PNPT1: variants seen among roughly 807,000 people sequenced by gnomAD.
PNPT1 encodes the protein polyribonucleotide nucleotidyltransferase 1, mitochondrial.
PNPT1 carries 53 observed loss-of-function variants against 119.5 expected under a neutral mutation model. That is an observed-to-expected ratio of 0.44 (90% CI 0.36 to 0.56). PNPT1 has a LOEUF of 0.56. Ranked by LOEUF, PNPT1 falls within the 20% of genes least tolerant of loss-of-function variation. PNPT1 has a pLI of 0.00. For missense variants in PNPT1, 948 were observed against 938.5 expected (o/e 1.01, Z -0.13); for synonymous variants, 357 against 322.1 (o/e 1.11, Z -1.16).
At chr2:55,681,912 C>T (rs929694484) in intron 5 of PNPT1, among the ~76,000 whole-genome samples, 1 of 150,608 alleles carries the variant, frequency 6.6e-6, no homozygotes, top group East Asian at 2.0e-4. Flanking sequence ...GAGGCTGAGG[C>T]GGGCAGATCA....
intron 8 of PNPT1, 89 bp from the exon 9 acceptor site, chr2:55,673,168 TTA>T: frequency 1.9e-6 from 2 of 1,048,818 alleles, no homozygotes; most frequent in Middle Eastern, 3.2e-4. Context: ...GACATAAATA[TTA>T]TGGATCAATT....
At chr2:55,656,024 T>TTGGG in intron 17 of PNPT1, 107 bp downstream of exon 17, 1 of 1,367,694 alleles carries the variant, frequency 7.3e-7, no homozygotes, top group South Asian at 1.6e-5. Context: ...TGCAACAAAC[T>TTGGG]TGGGTTCTGT....
In PNPT1 at chr2:55,655,051, A is replaced by G; in HGVS notation, c.1442-98T>C. 4 of 1,138,814 alleles carry G rather than the reference A, an allele frequency of 3.5e-6. No homozygotes were observed. The Admixed American group carries it at 6.4e-5, about 18-fold the overall frequency. 70.5% of individuals were successfully genotyped at this position (1,138,814 alleles called of 1,614,324 possible). A position where few individuals can be genotyped will look rare whatever the true frequency, so the allele number is the denominator to read the frequency against. ...TTCCTTATAAATATTCAGTTACAATACAAATATTCAATAGTCTCTTCTTTT... is the reference window on the plus strand; with the variant it reads ...TTCCTTATAAATATTCAGTTACAATGCAAATATTCAATAGTCTCTTCTTTT... On this transcript the variant is annotated intron_variant, in intron 17 of 27. Transcript: ENST00000447944.
chr2:55,685,909 A>C (rs1244393791), intron 3 of PNPT1, among the ~76,000 whole-genome samples: 1 of 152,214 alleles, frequency 6.6e-6, no homozygotes, highest in Admixed American at 6.5e-5. Context: ...CTACATAAAT[A>C]GTTTTTATAC....
intron 8 of PNPT1, among the ~76,000 whole-genome samples, chr2:55,675,868 T>C (rs1247135663): frequency 6.6e-6 from 1 of 152,192 alleles, no homozygotes; most frequent in East Asian, 1.9e-4. Flanking sequence ...AAGTGCTAAG[T>C]AGCCACATGA....
intron 18 of PNPT1, among the ~76,000 whole-genome samples, chr2:55,653,496 T>A (rs1016039988): frequency 9.2e-5 from 14 of 152,232 alleles, no homozygotes; most frequent in Non-Finnish European, 1.9e-4. Flanking sequence ...TTTTCCAGTA[T>A]GAGATTTGGA....
intron 1 of PNPT1, among the ~76,000 whole-genome samples, chr2:55,688,202 T>C (rs1046900792): frequency 6.6e-6 from 1 of 151,950 alleles, no homozygotes; most frequent in Non-Finnish European, 1.5e-5. Context: ...ACCACTACAC[T>C]TGGCTAATTT....
Position 55,671,350 on chromosome 2 carries a change from T to C in PNPT1, c.945A>G (p.Lys315=). 6.5e-7 allele frequency: 1 copy of C among 1,542,568 alleles called. No homozygotes were observed. The highest frequency in any genetic ancestry group is 2.4e-5 in the East Asian group (1 of 42,468). Residue 315 remains lysine (K), a synonymous_variant, in exon 11 of 28, where the codon AAA becomes AAG. Transcript: ENST00000447944. The part of the protein sequence containing the change: ...DKVSRDEAVN[K]IRLDTEEQLK... ...GTTGTTCCTCCGTATCTAATCTTAT[T>C]TTGTTAACAGCTTCATCTCTGGAAA...
At chr2:55,676,584 G>A (rs540253068) in intron 8 of PNPT1, among the ~76,000 whole-genome samples, 41 of 152,262 alleles carry the variant, frequency 2.7e-4, no homozygotes, top group African/African-American at 8.9e-4. Context: ...ATGACTGCCC[G>A]GGAGTGGTGG....
At chr2:55,670,395 C>T (rs1696873590) in intron 11 of PNPT1, among the ~76,000 whole-genome samples, 1 of 151,486 alleles carries the variant, frequency 6.6e-6, no homozygotes, top group African/African-American at 2.4e-5. Context: ...ACCGTATTAG[C>T]CAGGATGGTC....
At chr2:55,683,898 T>C in intron 4 of PNPT1, 64 bp from the exon 5 acceptor site, 1 of 1,491,686 alleles carries the variant, frequency 6.7e-7, no homozygotes, top group South Asian at 1.2e-5. Flanking sequence ...TTCAAAACGT[T>C]TGAACTAATA....
intron 8 of PNPT1, among the ~76,000 whole-genome samples, chr2:55,673,402 A>G (rs1572824644): frequency 1.3e-5 from 2 of 152,098 alleles, no homozygotes; most frequent in East Asian, 3.8e-4. Context: ...AAGTCACATA[A>G]AATAAAAATT....
intron 4 of PNPT1, among the ~76,000 whole-genome samples, chr2:55,684,185 T>C (rs970465873): frequency 1.3e-5 from 2 of 152,228 alleles, no homozygotes; most frequent in Admixed American, 1.3e-4. Context: ...AGACTGTATA[T>C]AAATATACAT....
chr2:55,644,864 A>T (rs903700889), intron 22 of PNPT1, 144 bp from the exon 23 acceptor site: 2 of 485,588 alleles, frequency 4.1e-6, no homozygotes, highest in African/African-American at 3.9e-5. Context: ...GTAGATGATT[A>T]AAATTACTGA....
intron 26 of PNPT1, among the ~76,000 whole-genome samples, chr2:55,639,874 C>T (rs1695785962): frequency 6.6e-6 from 1 of 152,094 alleles, no homozygotes; most frequent in South Asian, 2.1e-4. Flanking sequence ...TTATCTTTTC[C>T]TACCACCTTT....
intron 22 of PNPT1, chr2:55,645,089 T>C (rs1400951356): frequency 3.6e-6 from 1 of 278,706 alleles, no homozygotes; most frequent in Non-Finnish European, 6.7e-6. Context: ...AGTGGCGCGA[T>C]CTCGGCTCAC....
chr2:55,662,149 G>T, intron 13 of PNPT1, 123 bp from the exon 14 acceptor site: 1 of 733,634 alleles, frequency 1.4e-6, no homozygotes, highest in Non-Finnish European at 2.0e-6. Context: ...CACAAAGCTT[G>T]CCATGCTACT....
intron 4 of PNPT1, among the ~76,000 whole-genome samples, chr2:55,684,616 T>C (rs368148789): frequency 1.9e-4 from 29 of 152,372 alleles, no homozygotes; most frequent in African/African-American, 6.5e-4. Flanking sequence ...AAAAATGTAC[T>C]AGGAATAGAT....
At chr2:55,677,549 G>C (rs1406261699) in intron 8 of PNPT1, among the ~76,000 whole-genome samples, 6 of 123,850 alleles carry the variant, frequency 4.8e-5, no homozygotes, top group African/African-American at 1.9e-4. Context: ...AGCTGAGATC[G>C]CACTGCTGCA....
Sources: gnomAD v4.1 joint callset for allele counts (sites outside exome capture counted in the v4.1 genomes callset) on GRCh38, gnomAD v4.1.1 for gene constraint, MANE v1.5 for transcripts, NCBI Gene and HGNC (gene_info 2026-07-23, HGNC 2026-07-21) for gene names.